Variants in CMTM4 observed in about 807,000 individuals in gnomAD.
The protein encoded by CMTM4 is CKLF-like MARVEL transmembrane domain-containing protein 4.
A neutral mutation model predicts 19.0 loss-of-function variants in CMTM4; 8 were observed. The observed-to-expected ratio is 0.42, with a 90% confidence interval of 0.25 to 0.76. The LOEUF (loss-of-function observed/expected upper bound fraction) is 0.76. Ranked by LOEUF, CMTM4 falls within the 30% of genes least tolerant of loss-of-function variation. The pLI, the probability that CMTM4 is intolerant of heterozygous loss-of-function variation, is 0.27. For synonymous variants in CMTM4, 106 were observed against 121.1 expected (o/e 0.88, Z 0.82); for missense variants, 228 against 290.2 (o/e 0.79, Z 1.56).
intron 2 of CMTM4, among the ~76,000 whole-genome samples, chr16:66,631,275 C>T (rs1035685766): frequency 6.6e-6 from 1 of 150,838 alleles, no homozygotes; most frequent in African/African-American, 2.4e-5. Flanking sequence ...GGTCAGCCCC[C>T]CGCCCGGCCA....
intron 1 of CMTM4, among the ~76,000 whole-genome samples, chr16:66,654,268 G>C (rs1387159860): frequency 6.6e-6 from 1 of 152,112 alleles, no homozygotes; most frequent in African/African-American, 2.4e-5. Flanking sequence ...TAACAGCAGA[G>C]TTGGGGTTCA....
chr16:66,653,885 C>A (rs543514748), intron 1 of CMTM4, among the ~76,000 whole-genome samples: 1 of 152,148 alleles, frequency 6.6e-6, no homozygotes, highest in African/African-American at 2.4e-5. Context: ...GAAGCGTGTG[C>A]CATCATGCCT....
chr16:66,665,977 CAGG>C (rs1211125403), intron 1 of CMTM4, among the ~76,000 whole-genome samples: 14 of 152,076 alleles, frequency 9.2e-5, no homozygotes, highest in Admixed American at 2.0e-4. Context: ...GAGGCTCAGG[CAGG>C]AGAATGGCTT....
intron 1 of CMTM4, among the ~76,000 whole-genome samples, chr16:66,688,786 G>A (rs560120022): frequency 1.2e-4 from 19 of 152,254 alleles, no homozygotes; most frequent in Middle Eastern, 3.4e-3. Context: ...CAGAATGCCT[G>A]TCTACTTATT....
intron 1 of CMTM4, among the ~76,000 whole-genome samples, chr16:66,638,306 C>T (rs1018651580): frequency 1.3e-5 from 2 of 152,190 alleles, no homozygotes; most frequent in African/African-American, 4.8e-5. Flanking sequence ...ATTAGAAAAC[C>T]CACATCTACA....
At chr16:66,689,246 T>C (rs935850324) in intron 1 of CMTM4, among the ~76,000 whole-genome samples, 13 of 152,254 alleles carry the variant, frequency 8.5e-5, no homozygotes, top group African/African-American at 3.1e-4. Context: ...TGTAACATTA[T>C]ATATTACAGT....
rs1054387529 is a variant in CMTM4, at chr16:66,696,603, T to TCGCCGTCGC, written c.-79_-78insGCGACGGCG. The TCGCCGTCGC allele has an allele frequency of 4.8e-5, 39 of 814,830 alleles. No homozygotes were observed. The highest frequency in any genetic ancestry group is 5.8e-5 in the Non-Finnish European group (39 of 675,432). The allele number at this position is 814,830 out of a possible 1,614,324, so 50.5% of individuals were successfully genotyped here. A position where few individuals can be genotyped will look rare whatever the true frequency, so the allele number is the denominator to read the frequency against. On this transcript the variant is annotated 5_prime_UTR_variant, in exon 1 of 4. Transcript: ENST00000394106. The surrounding 1 kb of genome is among the most constrained non-coding windows in gnomAD (Gnocchi z 4.3). ...GGGCGGACTCAGCGGGGCCGCCGCATCGCCGCCGCCGCCGCCGCCGCCGCC... is the reference window on the plus strand; with the variant it reads ...GGGCGGACTCAGCGGGGCCGCCGCATCGCCGTCGCCGCCGCCGCCGCCGCCGCCGCCGCC...
intron 1 of CMTM4, among the ~76,000 whole-genome samples, chr16:66,660,723 CAAAT>C (rs1262830686): frequency 6.6e-6 from 1 of 152,110 alleles, no homozygotes; most frequent in East Asian, 1.9e-4. Context: ...TAAAAACAAG[CAAAT>C]AAAAAAATAA....
At chr16:66,694,573 C>T (rs1293287581) in intron 1 of CMTM4, among the ~76,000 whole-genome samples, 2 of 151,742 alleles carry the variant, frequency 1.3e-5, no homozygotes, top group Non-Finnish European at 2.9e-5. Context: ...ATTAGCTGGG[C>T]GTGGTGGTGG....
rs1356918176 is a variant in CMTM4 at position 66,617,691 on chromosome 16, T to A, written c.*4367A>T. 1 of 1,048,794 alleles carries A rather than the reference T, an allele frequency of 9.5e-7. No individual in the cohort carries two copies. The highest frequency in any genetic ancestry group is 1.7e-5 in the African/African-American group (1 of 58,264). 65.0% of individuals were successfully genotyped at this position (1,048,794 alleles called of 1,614,324 possible). The stretch of plus-strand genomic sequence containing the variant: ...GCTGAGAAGAGAAGAAACACAAGAT[T>A]CTACAAAGCGCCAGGGAAGTTTACA... On this transcript the variant is annotated 3_prime_UTR_variant, in exon 4 of 4. Coordinates refer to ENST00000394106, the MANE Select transcript of CMTM4 (RefSeq NM_181521.3).
the CMTM4 span, among the ~76,000 whole-genome samples, chr16:66,598,859 G>T: frequency 6.6e-6 from 1 of 152,056 alleles, no homozygotes; most frequent in Non-Finnish European, 1.5e-5. Flanking sequence ...ATTACGAGGG[G>T]GTCAGGCAGG....
rs189300823 is a variant in CMTM4 at position 66,642,118 on chromosome 16, C to T, written c.187-5537G>A. ...GGACACAGCAAAATGTCAACATTTT[C>T]TCTAGCACAGTGAAATCTAATCACT... On this transcript the variant is annotated intron_variant, in intron 1 of 3. Coordinates refer to ENST00000394106, the MANE Select transcript of CMTM4 (RefSeq NM_181521.3). 7.9e-5 allele frequency among the ~76,000 whole-genome samples: 12 copies of T among 152,266 alleles called. No homozygotes were observed. In the East Asian group the frequency reaches 2.1e-3, roughly 27 times the overall value.
chr16:66,667,981 T>C (rs938788114), intron 1 of CMTM4, among the ~76,000 whole-genome samples: 6 of 152,132 alleles, frequency 3.9e-5, no homozygotes, highest in African/African-American at 1.4e-4. Flanking sequence ...TTTTGTTTTT[T>C]TTGTGAGTTT....
downstream of CMTM4, chr16:66,613,167 C>A: frequency 1.4e-6 from 1 of 702,374 alleles, no homozygotes; most frequent in South Asian, 1.5e-5. Context: ...GTTCCCTCTT[C>A]ATTCTTGAAG....
At chr16:66,680,546 G>A (rs540262891) in intron 1 of CMTM4, among the ~76,000 whole-genome samples, 12 of 151,372 alleles carry the variant, frequency 7.9e-5, no homozygotes, top group South Asian at 4.2e-4. Flanking sequence ...AGGCCAAGGC[G>A]GGCAGATCAC....
intron 1 of CMTM4, among the ~76,000 whole-genome samples, chr16:66,664,378 A>C (rs966577909): frequency 6.6e-6 from 1 of 152,012 alleles, no homozygotes; most frequent in South Asian, 2.1e-4. Flanking sequence ...TAGTGAAAGA[A>C]AAGCAACAGA....
rs914273279 is a variant in CMTM4 at position 66,622,700 on chromosome 16, G to C, written c.463-478C>G. Among the ~76,000 whole-genome samples, 1 of 152,188 alleles carries C rather than the reference G, an allele frequency of 6.6e-6. No individual in the cohort carries two copies. Among genetic ancestry groups the C allele is most frequent in the African/African-American group, 2.4e-5 (1 of 41,438 alleles). ...GTTTCGCATGTGGGTCCCAAATCAA[G>C]CCACAGGGCCAATGTTCCACATCAC... On this transcript the variant is annotated intron_variant, in intron 3 of 3. Transcript: ENST00000394106. This position sits in a 1 kb window ranked among gnomAD's most constrained non-coding sequence, Gnocchi z 4.0.
intron 1 of CMTM4, among the ~76,000 whole-genome samples, chr16:66,683,438 C>A (rs2016978382): frequency 6.7e-6 from 1 of 149,710 alleles, no homozygotes. Flanking sequence ...ACTACAGGCG[C>A]CCACCACCAC....
intron 1 of CMTM4, among the ~76,000 whole-genome samples, chr16:66,640,094 C>A (rs562138497): frequency 3.9e-5 from 6 of 151,906 alleles, no homozygotes; most frequent in African/African-American, 1.4e-4. Context: ...GAGGCCGAGG[C>A]GGGTGGATCA....
Sources: gnomAD v4.1 joint callset for allele counts (sites outside exome capture counted in the v4.1 genomes callset) on GRCh38, gnomAD v4.1.1 for gene constraint, Gnocchi (gnomAD v3.1) non-coding constraint, MANE v1.5 for transcripts, NCBI Gene and HGNC (gene_info 2026-07-23, HGNC 2026-07-21) for gene names.